AP4E1: variants seen among roughly 807,000 people sequenced by gnomAD.
The protein encoded by AP4E1 is adaptor related protein complex 4 subunit epsilon 1.
In AP4E1, 56 loss-of-function variants were observed where a neutral mutation model predicts 128.2. The ratio of observed to expected loss-of-function variants is 0.44; its 90% CI spans 0.35 to 0.55. The LOEUF (loss-of-function observed/expected upper bound fraction) is 0.55. Among genes scored for constraint, AP4E1 ranks in the 20% least tolerant of loss-of-function variants. The pLI, the probability that AP4E1 is intolerant of heterozygous loss-of-function variation, is 0.00. For missense variants in AP4E1, 1,324 were observed against 1,307.7 expected (o/e 1.01, Z -0.19); for synonymous variants, 484 against 473.1 (o/e 1.02, Z -0.30).
Position 50,997,742 on chromosome 15 carries a change from C to G in AP4E1, c.2763C>G (p.Val921=). The change falls in exon 18 of 21, where the codon GTC becomes GTG. Residue 921 remains valine, a synonymous_variant. Transcript: ENST00000261842. ...TEYIHSNAME[V]CNNETISVSS... ...ACATACACTCAAATGCTATGGAAGT[C>G]TGTAATAATGAAACTATATCAGTGT... is the stretch of plus-strand genomic sequence containing the variant. 6.2e-7 allele frequency: 1 copy of G among 1,613,718 alleles called. No homozygotes were observed.
At chr15:50,999,335 A>C in intron 19 of AP4E1, 73 bp downstream of exon 19, 2 of 1,330,988 alleles carry the variant, frequency 1.5e-6, no homozygotes, top group Non-Finnish European at 1.1e-6. Flanking sequence ...CTCTGGATGG[A>C]GGCACTATGT....
In AP4E1 at chr15:50,914,061, C is replaced by G. The variant is rs559999338; in HGVS notation, c.223-1387C>G. ...TCTCGAACTCCTGACCTCAGGTGAT[C>G]TGCCCTCCTTGGCCTCCCAAAGTGC... On this transcript the variant is annotated intron_variant, in intron 2 of 20. Transcript: ENST00000261842. Among the ~76,000 whole-genome samples the G allele has an allele frequency of 1.8e-4, 28 of 152,232 alleles. No homozygotes were observed. In the South Asian group the frequency reaches 5.4e-3, roughly 29 times the overall value.
intron 1 of AP4E1, among the ~76,000 whole-genome samples, chr15:50,911,637 C>T (rs2063568405): frequency 6.8e-6 from 1 of 148,120 alleles, no homozygotes; most frequent in Non-Finnish European, 1.5e-5. Flanking sequence ...TACAGGACCC[C>T]CAGCTAATGT....
chr15:50,956,730 T>C (rs2064228892), intron 13 of AP4E1, among the ~76,000 whole-genome samples: 1 of 151,728 alleles, frequency 6.6e-6, no homozygotes, highest in Admixed American at 6.6e-5. Context: ...GCCCTTGACA[T>C]GTGGGGGATT....
rs538874677 is a variant in AP4E1 at position 50,962,356 on chromosome 15, A to C, written c.1851+3562A>C. 2.6e-5 allele frequency among the ~76,000 whole-genome samples: 4 copies of C among 152,166 alleles called. No individual in the cohort carries two copies. The South Asian group carries it at 6.2e-4, about 24-fold the overall frequency. On this transcript the variant is annotated intron_variant, in intron 14 of 20. Transcript: ENST00000261842. ...AGGCATCACACTACCCAATTTCAAA[A>C]TATACTACAAAGCTGTAGTAACCAA... is the stretch of plus-strand genomic sequence containing the variant.
intron 13 of AP4E1, among the ~76,000 whole-genome samples, chr15:50,956,179 A>T (rs1044535628): frequency 6.6e-6 from 1 of 152,206 alleles, no homozygotes; most frequent in Non-Finnish European, 1.5e-5. Flanking sequence ...AGAAGCAGAC[A>T]TCCATTACCA....
At chr15:50,944,269 G>A (rs998826525) in intron 10 of AP4E1, among the ~76,000 whole-genome samples, 15 of 152,134 alleles carry the variant, frequency 9.9e-5, no homozygotes, top group African/African-American at 3.6e-4. Context: ...GTAGCTTGGG[G>A]TAGGATTCCT....
chr15:50,983,695 A>G (rs1488356942), intron 15 of AP4E1, among the ~76,000 whole-genome samples: 1 of 152,212 alleles, frequency 6.6e-6, no homozygotes, highest in Non-Finnish European at 1.5e-5. Context: ...ACATTTTTGC[A>G]TGGGAGCAGC....
chr15:50,953,929 G>T (rs2064183906), intron 13 of AP4E1, among the ~76,000 whole-genome samples: 1 of 152,144 alleles, frequency 6.6e-6, no homozygotes, highest in Non-Finnish European at 1.5e-5. Context: ...GATGGAAAAG[G>T]CATTAAATTT....
chr15:50,997,888 A>C lies in AP4E1; in HGVS notation c.2904+5A>C, dbSNP rs1320707457. ...TTTCCTGCAGAAAATTTCAAGGTAAAATTTAAAGGTATTATTGTTTTATTT... is the reference window on the plus strand; with the variant it reads ...TTTCCTGCAGAAAATTTCAAGGTAACATTTAAAGGTATTATTGTTTTATTT... On this transcript the variant is annotated splice_donor_5th_base_variant and intron_variant, in intron 18 of 20. Transcript: ENST00000261842. The C allele has an allele frequency of 6.3e-7, 1 of 1,588,176 alleles. No homozygotes were observed. Among genetic ancestry groups the C allele is most frequent in the Non-Finnish European group, 8.6e-7 (1 of 1,164,548 alleles).
At chr15:50,981,802 C>G (rs763593708) in intron 15 of AP4E1, among the ~76,000 whole-genome samples, 1 of 151,970 alleles carries the variant, frequency 6.6e-6, no homozygotes, top group Admixed American at 6.6e-5. Flanking sequence ...AAAGCAAGTT[C>G]GGGCCAGATG....
intron 5 of AP4E1, among the ~76,000 whole-genome samples, chr15:50,927,946 TAGACAAG>T (rs1171991379): frequency 4.6e-5 from 7 of 152,028 alleles, no homozygotes; most frequent in African/African-American, 1.7e-4. Flanking sequence ...TATGTAGAAA[TAGACAAG>T]AGAGAGAATT....
At chr15:50,914,067 T>G (rs963666332) in intron 2 of AP4E1, among the ~76,000 whole-genome samples, 5 of 152,066 alleles carry the variant, frequency 3.3e-5, no homozygotes, top group Non-Finnish European at 7.4e-5. Flanking sequence ...TGATCTGCCC[T>G]CCTTGGCCTC....
chr15:50,913,250 TTGTG>T, intron 2 of AP4E1, among the ~76,000 whole-genome samples: 1 of 152,216 alleles, frequency 6.6e-6, no homozygotes, highest in East Asian at 1.9e-4. Context: ...ATATGTATGT[TTGTG>T]TGTATACATG....
upstream of AP4E1, among the ~76,000 whole-genome samples, chr15:50,908,301 C>T (rs2063518544): frequency 6.6e-6 from 1 of 152,180 alleles, no homozygotes; most frequent in African/African-American, 2.4e-5. Context: ...CTGTGGGAAG[C>T]GGGCGGGTGG....
chr15:50,925,315 A>G, intron 5 of AP4E1, 96 bp downstream of exon 5: 1 of 1,325,208 alleles, frequency 7.5e-7, no homozygotes, highest in Non-Finnish European at 1.1e-6. Flanking sequence ...CTACCAGGAT[A>G]GAGATTATTT....
At chr15:50,910,162 T>A (rs2063547128) in intron 1 of AP4E1, among the ~76,000 whole-genome samples, 1 of 152,174 alleles carries the variant, frequency 6.6e-6, no homozygotes, top group South Asian at 2.1e-4. Flanking sequence ...AATTTTTGTA[T>A]TTTTAGTAGA....
chr15:50,929,263 G>A, intron 6 of AP4E1, 95 bp downstream of exon 6: 8 of 1,333,792 alleles, frequency 6.0e-6, no homozygotes, highest in Non-Finnish European at 8.4e-6. Context: ...AAAATGCTTA[G>A]TTAACATTTT....
Position 50,944,870 on chromosome 15 carries a change from T to A in AP4E1, c.1176+3095T>A, listed in dbSNP as rs1218907118. The A allele has an allele frequency of 6.2e-6, 5 of 800,478 alleles. No homozygotes were observed. In the African/African-American group the frequency reaches 8.6e-5, roughly 14 times the overall value. The allele number at this position is 800,478 out of a possible 1,614,324, so 49.6% of individuals were successfully genotyped here. ...TGGATGGTCACCAAGATGGAGTCAG[T>A]TGCTTGGCAAAGCATCCAAAGAACC... is the stretch of plus-strand genomic sequence containing the variant. On this transcript the variant is annotated intron_variant, in intron 10 of 20. Transcript: ENST00000261842.
Sources: allele counts gnomAD v4.1 joint callset (sites outside exome capture counted in the v4.1 genomes callset), GRCh38; gene constraint gnomAD v4.1.1; transcripts MANE v1.5; gene names NCBI Gene and HGNC (gene_info 2026-07-23, HGNC 2026-07-21).